CLDN16: variants seen among roughly 807,000 people sequenced by gnomAD.
The protein encoded by CLDN16 is claudin 16.
In CLDN16, 13 loss-of-function variants were observed where a neutral mutation model predicts 24.6. That is an observed-to-expected ratio of 0.53 (90% CI 0.34 to 0.84). The LOEUF is 0.84. Among genes scored for constraint, CLDN16 ranks in the 40% least tolerant of loss-of-function variants. The pLI is 0.01. For synonymous variants in CLDN16, 116 were observed against 106.7 expected (o/e 1.09, Z -0.54); for missense variants, 298 against 292.7 (o/e 1.02, Z -0.13).
chr3:190,320,613 G>T (rs554180263), upstream of CLDN16, among the ~76,000 whole-genome samples: 11 of 152,242 alleles, frequency 7.2e-5, no homozygotes, highest in Middle Eastern at 3.4e-3. Flanking sequence ...GGTATTCAAG[G>T]TGTTCAAACA....
chr3:190,371,923 G>C (rs1054222073), intron 2 of CLDN16, among the ~76,000 whole-genome samples: 2 of 151,896 alleles, frequency 1.3e-5, no homozygotes, highest in African/African-American at 2.4e-5. Flanking sequence ...CATCTACCTG[G>C]CTGGGCTGTT....
At chr3:190,384,495 T>C (rs1400522462), upstream of CLDN16, among the ~76,000 whole-genome samples, 1 of 152,180 alleles carries the variant, frequency 6.6e-6, no homozygotes, top group African/African-American at 2.4e-5. Context: ...GTCACTCAAC[T>C]GATCGCCAGG....
chr3:190,335,976 G>A (rs1308009039), intron 1 of CLDN16, among the ~76,000 whole-genome samples: 1 of 152,148 alleles, frequency 6.6e-6, no homozygotes, highest in Non-Finnish European at 1.5e-5. Context: ...TGTTCTAACA[G>A]TACAATTGCT....
chr3:190,296,614 A>G, the CLDN16 span, among the ~76,000 whole-genome samples: 1 of 145,668 alleles, frequency 6.9e-6, no homozygotes, highest in Admixed American at 7.2e-5. Context: ...CAGTGGTGCC[A>G]TCTCGGCTCA....
chr3:190,322,217 G>A (rs1198242008), upstream of CLDN16: 2 of 1,612,858 alleles, frequency 1.2e-6, no homozygotes, highest in South Asian at 1.1e-5. Flanking sequence ...GACTCGCTCG[G>A]GCGCCCGCGC....
At chr3:190,395,587 C>G (rs936378446) in intron 1 of CLDN16, among the ~76,000 whole-genome samples, 1 of 151,856 alleles carries the variant, frequency 6.6e-6, no homozygotes, top group South Asian at 2.1e-4. Flanking sequence ...AAAACTTTTG[C>G]GTCTTAATAA....
the CLDN16 span, among the ~76,000 whole-genome samples, chr3:190,298,020 T>C: frequency 6.6e-6 from 1 of 152,120 alleles, no homozygotes; most frequent in Non-Finnish European, 1.5e-5. Flanking sequence ...AATATGACCA[T>C]GGACAACCAT....
At chr3:190,400,982 TA>T in intron 1 of CLDN16, among the ~76,000 whole-genome samples, 1 of 152,164 alleles carries the variant, frequency 6.6e-6, no homozygotes, top group Non-Finnish European at 1.5e-5. Context: ...TCCTCATTTG[TA>T]AAATGGATGA....
In CLDN16 at chr3:190,331,153, C is replaced by G. The variant is rs1577397522; in HGVS notation, n.121+8492C>G. 2.6e-5 allele frequency among the ~76,000 whole-genome samples: 4 copies of G among 152,340 alleles called. No individual in the cohort carries two copies. The East Asian group carries it at 7.7e-4, about 29-fold the overall frequency. ...GTTAGGGTCAATAGATGAGCATGAT[C>G]TGCTGTCTGATTATGCCTGCCCTTA... On this transcript the variant is annotated intron_variant and non_coding_transcript_variant, in intron 1 of 4. Coordinates refer to the CLDN16 transcript ENST00000468220.
At position 190,381,078 on chromosome 3, in the gene CLDN16, G is replaced by A. The variant is rs150173073; in HGVS notation, n.306+6475G>A. ...CAAAGGTCAGGACTGGAATACAAAT[G>A]ACAAATAAACTACAAAGGCTGCAAA... On this transcript the variant is annotated intron_variant and non_coding_transcript_variant, in intron 3 of 4. Coordinates refer to the CLDN16 transcript ENST00000468220. Among the ~76,000 whole-genome samples the A allele has an allele frequency of 6.6e-5, 10 of 152,168 alleles. No individual in the cohort carries two copies. In the East Asian group the frequency reaches 1.7e-3, roughly 27 times the overall value.
chr3:190,303,068 TTTC>T, the CLDN16 span, among the ~76,000 whole-genome samples: 1 of 152,122 alleles, frequency 6.6e-6, no homozygotes, highest in Non-Finnish European at 1.5e-5. Flanking sequence ...ATTTTTCTAC[TTTC>T]TTCATTAATA....
chr3:190,379,572 T>A (rs1718315278), intron 3 of CLDN16, among the ~76,000 whole-genome samples: 1 of 152,090 alleles, frequency 6.6e-6, no homozygotes, highest in Non-Finnish European at 1.5e-5. Context: ...TCATTGGGCT[T>A]CAACAAACAA....
At chr3:190,318,172 A>C (rs1716819799), upstream of CLDN16, among the ~76,000 whole-genome samples, 1 of 152,182 alleles carries the variant, frequency 6.6e-6, no homozygotes, top group African/African-American at 2.4e-5. Context: ...ACATAAGCAA[A>C]ATCAGGAGTG....
At chr3:190,399,840 G>A (rs560557791) in intron 1 of CLDN16, among the ~76,000 whole-genome samples, 1 of 152,272 alleles carries the variant, frequency 6.6e-6, no homozygotes, top group Admixed American at 6.5e-5. Context: ...CAGTGAGCAA[G>A]TGAGCATTAC....
intron 1 of CLDN16, among the ~76,000 whole-genome samples, chr3:190,360,836 G>A (rs117833592): frequency 0.028 from 4,290 of 151,666 alleles, 94 homozygotes; most frequent in East Asian, 0.057. Flanking sequence ...TACATTCTTA[G>A]ATTAGTATTG....
intron 3 of CLDN16, among the ~76,000 whole-genome samples, chr3:190,408,036 C>T (rs999074622): frequency 5.3e-5 from 8 of 152,028 alleles, no homozygotes; most frequent in African/African-American, 1.9e-4. Context: ...TCAAAGAAAA[C>T]CATAACGATG....
chr3:190,297,532 T>C, the CLDN16 span, among the ~76,000 whole-genome samples: 1 of 142,992 alleles, frequency 7.0e-6, no homozygotes, highest in East Asian at 2.0e-4. Flanking sequence ...ATATATATTA[T>C]AGATATATAG....
chr3:190,299,911 G>A, the CLDN16 span, among the ~76,000 whole-genome samples: 1 of 152,160 alleles, frequency 6.6e-6, no homozygotes, highest in African/African-American at 2.4e-5. Flanking sequence ...AAGAGTGAGG[G>A]TAGAGTAACC....
chr3:190,311,762 A>G, the CLDN16 span, among the ~76,000 whole-genome samples: 2 of 151,266 alleles, frequency 1.3e-5, no homozygotes, highest in Admixed American at 6.6e-5. Flanking sequence ...ATATATATAC[A>G]CACAGAGAGA....
Sources: allele counts gnomAD v4.1 joint callset (sites outside exome capture counted in the v4.1 genomes callset), GRCh38; gene constraint gnomAD v4.1.1; transcripts MANE v1.5; gene names NCBI Gene and HGNC (gene_info 2026-07-23, HGNC 2026-07-21).